LSAMP: variants seen among roughly 807,000 people sequenced by gnomAD.
LSAMP encodes limbic system associated membrane protein.
A neutral mutation model predicts 38.6 loss-of-function variants in LSAMP; 7 were observed. That is an observed-to-expected ratio of 0.18 (90% CI 0.10 to 0.34). The LOEUF is 0.34. Ranked by LOEUF, LSAMP falls within the 10% of genes least tolerant of loss-of-function variation. LSAMP has a pLI of 1.00. For missense variants in LSAMP, 313 were observed against 420.0 expected (o/e 0.75, Z 2.23); for synonymous variants, 154 against 166.8 (o/e 0.92, Z 0.59).
At chr3:116,334,756 C>G (rs1376976381) in intron 1 of LSAMP, among the ~76,000 whole-genome samples, 1 of 151,948 alleles carries the variant, frequency 6.6e-6, no homozygotes. Context: ...ATAAGTAAAG[C>G]CATATATGAA....
intron 1 of LSAMP, among the ~76,000 whole-genome samples, chr3:116,366,943 G>T (rs957687540): frequency 1.9e-4 from 29 of 152,154 alleles, no homozygotes; most frequent in African/African-American, 6.5e-4. Context: ...TGGTAGGGAA[G>T]GGTGGATTTA....
At chr3:115,956,830 A>C (rs919586228) in intron 3 of LSAMP, among the ~76,000 whole-genome samples, 3 of 152,162 alleles carry the variant, frequency 2.0e-5, no homozygotes, top group Admixed American at 1.3e-4. Context: ...TAGCATGTTA[A>C]GGTGTTCAAG....
At chr3:116,055,844 C>A (rs1255905176) in intron 2 of LSAMP, among the ~76,000 whole-genome samples, 1 of 152,168 alleles carries the variant, frequency 6.6e-6, no homozygotes, top group East Asian at 1.9e-4. Flanking sequence ...GCTAAGGTTG[C>A]AAATTCCATG....
chr3:116,321,554 T>G (rs1442884658), intron 1 of LSAMP, among the ~76,000 whole-genome samples: 1 of 152,126 alleles, frequency 6.6e-6, no homozygotes, highest in Non-Finnish European at 1.5e-5. Flanking sequence ...TTATTCATGT[T>G]TTTTTTACGG....
rs377299623 is a variant in LSAMP at position 115,989,444 on chromosome 3, A to G, written c.514+30071T>C. On this transcript the variant is annotated intron_variant, in intron 3 of 6. Transcript: ENST00000490035. Reference sequence around the variant, plus strand: ...TTAGTGGTCACTACATTAGTATTACATCTAGCTGCTCATTTCCAAAAGTAC... The same window carrying G: ...TTAGTGGTCACTACATTAGTATTACGTCTAGCTGCTCATTTCCAAAAGTAC... 3.5e-4 allele frequency among the ~76,000 whole-genome samples: 53 copies of G among 152,240 alleles called. 2 individuals are homozygous for G. The South Asian group carries it at 0.011, about 32-fold the overall frequency.
chr3:116,347,531 C>A (rs1016966089), intron 1 of LSAMP, among the ~76,000 whole-genome samples: 1 of 152,122 alleles, frequency 6.6e-6, no homozygotes, highest in Non-Finnish European at 1.5e-5. Context: ...CTAGCTAGTT[C>A]AGTCACTGTC....
intron 3 of LSAMP, among the ~76,000 whole-genome samples, chr3:115,905,944 G>T (rs1936998135): frequency 6.6e-6 from 1 of 152,078 alleles, no homozygotes; most frequent in African/African-American, 2.4e-5. Flanking sequence ...ATGAGGCTAG[G>T]GGACACTACA....
intron 3 of LSAMP, among the ~76,000 whole-genome samples, chr3:115,960,159 A>G (rs541504143): frequency 2.6e-5 from 4 of 152,280 alleles, no homozygotes; most frequent in African/African-American, 7.2e-5. Flanking sequence ...TGAGGTGTGT[A>G]AAGAGGTTAA....
intron 3 of LSAMP, among the ~76,000 whole-genome samples, chr3:116,018,236 C>T (rs986325379): frequency 6.6e-6 from 1 of 151,926 alleles, no homozygotes; most frequent in Admixed American, 6.6e-5. Flanking sequence ...ATAAGAATAC[C>T]CGCCTAAATA....
intron 2 of LSAMP, among the ~76,000 whole-genome samples, chr3:116,047,817 T>C (rs1386144277): frequency 1.3e-5 from 2 of 152,242 alleles, no homozygotes; most frequent in Non-Finnish European, 2.9e-5. Context: ...TTTCGAAGTA[T>C]ATGTACATTG....
chr3:115,937,735 T>C (rs1383441610), intron 3 of LSAMP, among the ~76,000 whole-genome samples: 1 of 152,042 alleles, frequency 6.6e-6, no homozygotes, highest in African/African-American at 2.4e-5. Flanking sequence ...TTAACAAACA[T>C]ACTATTCCTT....
chr3:116,148,825 G>A (rs1204774237), intron 1 of LSAMP, among the ~76,000 whole-genome samples: 1 of 152,022 alleles, frequency 6.6e-6, no homozygotes, highest in Non-Finnish European at 1.5e-5. Context: ...TCCCCACTAT[G>A]TTTCAAAAGA....
At chr3:115,963,806 T>C (rs1356049277) in intron 3 of LSAMP, among the ~76,000 whole-genome samples, 1 of 152,192 alleles carries the variant, frequency 6.6e-6, no homozygotes, top group Non-Finnish European at 1.5e-5. Context: ...CAGGCTGGAG[T>C]GCAGTGGCAC....
At chr3:116,396,656 C>T (rs935249330) in intron 1 of LSAMP, among the ~76,000 whole-genome samples, 11 of 152,084 alleles carry the variant, frequency 7.2e-5, no homozygotes, top group Admixed American at 5.9e-4. Flanking sequence ...GCAGTATATC[C>T]ATTATATCTT....
chr3:116,431,733 T>G (rs2049284056), intron 1 of LSAMP, among the ~76,000 whole-genome samples: 1 of 152,084 alleles, frequency 6.6e-6, no homozygotes, highest in South Asian at 2.1e-4. Flanking sequence ...GAATTTCACT[T>G]GGTAAACATT....
intron 1 of LSAMP, among the ~76,000 whole-genome samples, chr3:116,235,361 C>T (rs1407351363): frequency 6.6e-6 from 1 of 152,010 alleles, no homozygotes. Context: ...AGTGATCTTC[C>T]CACCTAGGTC....
intron 3 of LSAMP, among the ~76,000 whole-genome samples, chr3:116,018,366 A>G (rs1170356514): frequency 6.6e-6 from 1 of 152,188 alleles, no homozygotes; most frequent in South Asian, 2.1e-4. Context: ...GACATTATAA[A>G]CAAATACTAT....
intron 1 of LSAMP, among the ~76,000 whole-genome samples, chr3:116,139,331 T>G (rs940524293): frequency 6.6e-6 from 1 of 152,098 alleles, no homozygotes; most frequent in Non-Finnish European, 1.5e-5. Flanking sequence ...CCACAAAATA[T>G]TCTGTTCTGA....
intron 1 of LSAMP, among the ~76,000 whole-genome samples, chr3:116,195,792 T>A (rs1349658371): frequency 3.3e-5 from 5 of 152,108 alleles, no homozygotes; most frequent in Admixed American, 6.5e-5. Context: ...ATAGATCGAT[T>A]ATGTTGGAAT....
Sources: allele counts gnomAD v4.1 joint callset (sites outside exome capture counted in the v4.1 genomes callset), GRCh38; gene constraint gnomAD v4.1.1; transcripts MANE v1.5; gene names NCBI Gene and HGNC (gene_info 2026-07-23, HGNC 2026-07-21).